ADAP1: variants seen among roughly 807,000 people sequenced by gnomAD.
ADAP1 encodes ArfGAP with dual PH domains 1.
ADAP1 carries 31 observed loss-of-function variants against 54.9 expected under a neutral mutation model. The ratio of observed to expected loss-of-function variants is 0.56; its 90% CI spans 0.42 to 0.76. The LOEUF is 0.76. Ranked by LOEUF, ADAP1 falls within the 30% of genes least tolerant of loss-of-function variation. The pLI, the probability that ADAP1 is intolerant of heterozygous loss-of-function variation, is 0.00. For missense variants in ADAP1, 535 were observed against 512.4 expected, an observed-to-expected ratio of 1.04 and a Z score of -0.42; for synonymous variants, 313 against 202.6, an observed-to-expected ratio of 1.55 and a Z score of -4.63.
At chr7:902,290 C>G (rs140257078) in intron 6 of ADAP1, among the ~76,000 whole-genome samples, 14,554 of 150,140 alleles carry the variant, frequency 0.097, 720 homozygotes, top group Non-Finnish European at 0.11. Context: ...GAAACCCCGT[C>G]TCTACTAAAA....
chr7:912,487 G>A (rs1369903057), intron 4 of ADAP1, among the ~76,000 whole-genome samples: 3 of 152,168 alleles, frequency 2.0e-5, no homozygotes, highest in East Asian at 3.9e-4. Context: ...GGGAGGCGGC[G>A]CAGAGGGTGG....
chr7:914,137 G>A (rs950181173), intron 4 of ADAP1, among the ~76,000 whole-genome samples: 28 of 152,290 alleles, frequency 1.8e-4, no homozygotes, highest in South Asian at 2.1e-4. Context: ...GGCACTGGGC[G>A]TGGCACAGCC....
chr7:948,583 C>T (rs1282146209), intron 1 of ADAP1, among the ~76,000 whole-genome samples: 2 of 152,180 alleles, frequency 1.3e-5, no homozygotes, highest in African/African-American at 2.4e-5. Context: ...GCTGTCACCA[C>T]CACCACCTGG....
rs1210437596 is a variant in ADAP1 at position 946,228 on chromosome 7, G to A, written c.82+8168C>T. On this transcript the variant is annotated intron_variant, in intron 1 of 10. Coordinates refer to ENST00000265846, the MANE Select transcript of ADAP1 (RefSeq NM_006869.4). This position sits in a 1 kb window ranked among gnomAD's most constrained non-coding sequence, Gnocchi z 4.3. The stretch of plus-strand genomic sequence containing the variant: ...CGCATATTGTCTCCCAGTTACCCGT[G>A]GCCCCTGCAGGGATCCAGGCTCCCG... 6.6e-6 allele frequency among the ~76,000 whole-genome samples: 1 copy of A among 152,184 alleles called. No individual in the cohort carries two copies. The highest frequency in any genetic ancestry group is 1.5e-5 in the Non-Finnish European group (1 of 68,022).
At position 939,575 on chromosome 7, in the gene ADAP1, A is replaced by G. The variant is rs558093744; in HGVS notation, c.83-4070T>C. On this transcript the variant is annotated intron_variant, in intron 1 of 10. Transcript: ENST00000265846. ...GCTGCGTGTGGTGGCTCACACCTGT[A>G]ATCCCAGCACTTCGGGAGGCCAAGG... 4.0e-4 allele frequency among the ~76,000 whole-genome samples: 61 copies of G among 150,996 alleles called. No homozygotes were observed. The East Asian group carries it at 0.011, about 27-fold the overall frequency.
At chr7:905,834 AGAAGGGAGAAGGGAGAAGGGAGAAG>A (rs1845236085) in intron 4 of ADAP1, among the ~76,000 whole-genome samples, 1 of 47,210 alleles carries the variant, frequency 2.1e-5, no homozygotes, top group African/African-American at 6.2e-5. Context: ...GGGAGAAGGG[AGAAGGGAGAAGGGAGAAGGGAGAAG>A]GGAGAAGGGA....
chr7:930,283 T>G (rs1846527874), intron 2 of ADAP1, among the ~76,000 whole-genome samples: 1 of 150,236 alleles, frequency 6.7e-6, no homozygotes, highest in Non-Finnish European at 1.5e-5. Context: ...GTTTTTGGTA[T>G]CTCAGATTAA....
intron 1 of ADAP1, among the ~76,000 whole-genome samples, chr7:940,330 T>TCTCA (rs1245055110): frequency 4.3e-5 from 6 of 140,614 alleles, no homozygotes; most frequent in African/African-American, 1.4e-4. Context: ...ACAGACCCTG[T>TCTCA]CACACACACA....
chr7:904,672 C>T (rs560116416), intron 5 of ADAP1, among the ~76,000 whole-genome samples: 3 of 152,210 alleles, frequency 2.0e-5, no homozygotes, highest in African/African-American at 7.2e-5. Flanking sequence ...CTTGTGAAGA[C>T]CCCACTGTTC....
In ADAP1 at chr7:899,185, G is replaced by T; in HGVS notation, c.944C>A (p.Ser315Tyr). ...ATGTGGCCAGTGGTGGCCCTGGGTG[G>T]ACGGCGGGAACCCATGCAGCACCGT... ...GYTVLHGFPP[S>Y]TQGHHWPHGI... The change falls in exon 10 of 11, where the codon TCC becomes TAC. Residue 315 changes from serine (S) to tyrosine (Y), a missense_variant. Physicochemically the swap from Ser to Tyr is moderately radical, Grantham distance 144. Transcript: ENST00000265846. 1 of 1,612,380 alleles carries T rather than the reference G, an allele frequency of 6.2e-7. No individual in the cohort carries two copies. Among genetic ancestry groups the T allele is most frequent in the East Asian group, 2.2e-5 (1 of 44,884 alleles).
At chr7:913,347 C>T (rs1317220006) in intron 4 of ADAP1, among the ~76,000 whole-genome samples, 1 of 151,826 alleles carries the variant, frequency 6.6e-6, no homozygotes, top group African/African-American at 2.4e-5. Context: ...ACTACAGGCG[C>T]CCGCCACCAC....
At chr7:927,875 A>G (rs1049866432) in intron 2 of ADAP1, among the ~76,000 whole-genome samples, 1 of 147,806 alleles carries the variant, frequency 6.8e-6, no homozygotes, top group African/African-American at 2.5e-5. Flanking sequence ...ACAGCAACAG[A>G]ATTTATTATA....
At chr7:919,279 C>T (rs1846063295) in intron 4 of ADAP1, among the ~76,000 whole-genome samples, 1 of 152,228 alleles carries the variant, frequency 6.6e-6, no homozygotes, top group Admixed American at 6.5e-5. Flanking sequence ...GCCCACACTG[C>T]TGGAGACAGG....
intron 2 of ADAP1, among the ~76,000 whole-genome samples, chr7:929,640 T>A (rs146022161): frequency 6.8e-6 from 1 of 146,002 alleles, no homozygotes; most frequent in South Asian, 2.2e-4. Context: ...GCTGGGGCGG[T>A]GGTGATGGGA....
At chr7:919,443 G>A (rs2128104326) in intron 4 of ADAP1, among the ~76,000 whole-genome samples, 1 of 152,162 alleles carries the variant, frequency 6.6e-6, no homozygotes, top group Middle Eastern at 3.4e-3. Flanking sequence ...ACGTCACTCA[G>A]AGGGCAAAAC....
chr7:905,299 A>G (rs56919223), intron 4 of ADAP1, 127 bp from the exon 5 acceptor site: 5,507 of 172,054 alleles, frequency 0.032, 466 homozygotes, highest in African/African-American at 0.23. Context: ...GGACACGGAC[A>G]GGGGGAGACG....
chr7:945,509 C>T lies in ADAP1; in HGVS notation c.82+8887G>A, dbSNP rs184557578. ...CCAAAATGCCTGGAGTCAGCACCCA[C>T]GGCCTGTGGTGCCCCCAGAACAGGC... On this transcript the variant is annotated intron_variant, in intron 1 of 10. Coordinates refer to ENST00000265846, the MANE Select transcript of ADAP1 (RefSeq NM_006869.4). The surrounding 1 kb of genome is among the most constrained non-coding windows in gnomAD (Gnocchi z 4.2). Among the ~76,000 whole-genome samples, 401 of 152,364 alleles carry T rather than the reference C, an allele frequency of 2.6e-3. 1 individual carries two copies. Among genetic ancestry groups the T allele is most frequent in the African/African-American group, 9.3e-3 (387 of 41,592 alleles).
Position 898,737 on chromosome 7 carries a change from G to A in ADAP1, c.*184C>T, listed in dbSNP as rs1360805886. 1.2e-5 allele frequency: 9 copies of A among 735,880 alleles called. No homozygotes were observed. Among genetic ancestry groups the A allele is most frequent in the Non-Finnish European group, 2.0e-5 (9 of 445,702 alleles). 45.6% of individuals were successfully genotyped at this position (735,880 alleles called of 1,614,324 possible). A position where few individuals can be genotyped will look rare whatever the true frequency, so the allele number is the denominator to read the frequency against. ...AGAGATCAGGCCCAGGGCCTGGGCT[G>A]CCTGCCTTGAGGTTCCAGAGAAGCA... On this transcript the variant is annotated 3_prime_UTR_variant, in exon 11 of 11. Coordinates refer to ENST00000265846, the MANE Select transcript of ADAP1 (RefSeq NM_006869.4).
At chr7:923,745 G>T (rs576995677) in intron 3 of ADAP1, among the ~76,000 whole-genome samples, 1 of 152,250 alleles carries the variant, frequency 6.6e-6, no homozygotes, top group East Asian at 1.9e-4. Context: ...ACCCTGCTCC[G>T]GACGCTGCCC....
Sources: allele counts gnomAD v4.1 joint callset (sites outside exome capture counted in the v4.1 genomes callset), GRCh38; gene constraint gnomAD v4.1.1; non-coding constraint Gnocchi (gnomAD v3.1); transcripts MANE v1.5; gene names NCBI Gene and HGNC (gene_info 2026-07-23, HGNC 2026-07-21).